SLC24A2: variants seen among roughly 807,000 people sequenced by gnomAD.
SLC24A2 encodes sodium/potassium/calcium exchanger 2.
A neutral mutation model predicts 62.0 loss-of-function variants in SLC24A2; 36 were observed. The observed-to-expected ratio is 0.58, with a 90% CI of 0.44 to 0.77. The LOEUF (loss-of-function observed/expected upper bound fraction) is 0.77, where lower values mean the gene tolerates loss of function less well. Ranked by LOEUF, SLC24A2 falls within the 30% of genes least tolerant of loss-of-function variation. SLC24A2 has a pLI of 0.00. For synonymous variants in SLC24A2, 358 were observed against 294.0 expected (o/e 1.22, Z -2.23); for missense variants, 846 against 817.9 (o/e 1.03, Z -0.42).
the SLC24A2 span, among the ~76,000 whole-genome samples, chr9:19,960,271 G>A: frequency 1.3e-5 from 2 of 152,144 alleles, no homozygotes; most frequent in Non-Finnish European, 2.9e-5. Context: ...CTGCCACTAT[G>A]TGTGACGCAT....
chr9:20,040,013 C>G, the SLC24A2 span, among the ~76,000 whole-genome samples: 1 of 152,274 alleles, frequency 6.6e-6, no homozygotes, highest in African/African-American at 2.4e-5. Flanking sequence ...AGTAACTAAA[C>G]ACTAACTTTT....
the SLC24A2 span, among the ~76,000 whole-genome samples, chr9:19,829,866 A>G: frequency 2.0e-5 from 3 of 147,684 alleles, no homozygotes; most frequent in Non-Finnish European, 4.5e-5. Flanking sequence ...TTAAACTTCA[A>G]TTCTTCTGGT....
the SLC24A2 span, among the ~76,000 whole-genome samples, chr9:20,078,587 C>G: frequency 6.6e-6 from 1 of 152,176 alleles, no homozygotes; most frequent in South Asian, 2.1e-4. Context: ...CCCACCCAGG[C>G]AGGCCATGAC....
the SLC24A2 span, among the ~76,000 whole-genome samples, chr9:20,106,466 C>T: frequency 2.6e-5 from 4 of 152,074 alleles, no homozygotes; most frequent in African/African-American, 4.8e-5. Context: ...ACTGGCAAAC[C>T]GAATCCAGCA....
chr9:19,550,216 G>A lies in SLC24A2; in HGVS notation c.1400C>T (p.Thr467Ile), dbSNP rs368095545. 3 of 1,614,118 alleles carry A rather than the reference G, an allele frequency of 1.9e-6. No individual in the cohort carries two copies. The highest frequency in any genetic ancestry group is 2.7e-5 in the African/African-American group (2 of 75,054). ...QPLSLAWPSE[T>I]RKQVTFLIVF... ...AATCAGAAACGTGACTTGCTTGCGG[G>A]TTTCAGAAGGCCAGGCAAGGCTGAG... Residue 467 changes from threonine to isoleucine, a missense_variant, in exon 8 of 11, where the codon ACC (threonine) becomes ATC (isoleucine). Coordinates refer to ENST00000341998, the MANE Select transcript of SLC24A2 (RefSeq NM_020344.4).
the SLC24A2 span, among the ~76,000 whole-genome samples, chr9:19,901,355 T>A: frequency 0.074 from 11,197 of 152,182 alleles, 534 homozygotes; most frequent in East Asian, 0.18. Flanking sequence ...ACTAAAAAAA[T>A]CATGAGATCT....
At chr9:19,800,703 A>T in the SLC24A2 span, among the ~76,000 whole-genome samples, 1 of 152,186 alleles carries the variant, frequency 6.6e-6, no homozygotes, top group Non-Finnish European at 1.5e-5. Flanking sequence ...TCACATATGA[A>T]TCATAATTTA....
At chr9:19,940,331 T>C in the SLC24A2 span, among the ~76,000 whole-genome samples, 2 of 152,202 alleles carry the variant, frequency 1.3e-5, no homozygotes, top group African/African-American at 4.8e-5. Context: ...TTGTACAGAA[T>C]AGTCAGGGGG....
the SLC24A2 span, among the ~76,000 whole-genome samples, chr9:19,858,616 T>C: frequency 6.6e-6 from 1 of 152,120 alleles, no homozygotes; most frequent in African/African-American, 2.4e-5. Context: ...AGGTCTAATA[T>C]CTAGAAGATT....
intron 2 of SLC24A2, among the ~76,000 whole-genome samples, chr9:19,772,263 T>C (rs1822712154): frequency 6.6e-6 from 1 of 152,142 alleles, no homozygotes; most frequent in African/African-American, 2.4e-5. Context: ...AATTCTTAGC[T>C]TCAGGGGAAC....
At chr9:20,230,712 T>C in the SLC24A2 span, among the ~76,000 whole-genome samples, 1 of 152,218 alleles carries the variant, frequency 6.6e-6, no homozygotes. Flanking sequence ...TAGTTTCTTT[T>C]GCTGTGCAGA....
At chr9:20,105,181 C>A in the SLC24A2 span, among the ~76,000 whole-genome samples, 384 of 152,254 alleles carry the variant, frequency 2.5e-3, 4 homozygotes, top group African/African-American at 8.6e-3. Flanking sequence ...AATACAGGAG[C>A]ACCCAGATTC....
At chr9:19,904,832 T>A in the SLC24A2 span, among the ~76,000 whole-genome samples, 3 of 152,178 alleles carry the variant, frequency 2.0e-5, no homozygotes, top group East Asian at 5.8e-4. Context: ...ACTTTTTTGC[T>A]TTTTTCTGCC....
At chr9:20,038,910 T>C in the SLC24A2 span, among the ~76,000 whole-genome samples, 3 of 151,984 alleles carry the variant, frequency 2.0e-5, no homozygotes, top group Admixed American at 1.3e-4. Context: ...ATTTATTTTT[T>C]AAGTTTCGTA....
chr9:20,082,673 A>T, the SLC24A2 span, among the ~76,000 whole-genome samples: 2 of 152,222 alleles, frequency 1.3e-5, no homozygotes, highest in African/African-American at 2.4e-5. Flanking sequence ...ATTTTGCTGT[A>T]ATCTGGAAAG....
chr9:20,127,439 A>C, the SLC24A2 span, among the ~76,000 whole-genome samples: 1 of 152,272 alleles, frequency 6.6e-6, no homozygotes, highest in Admixed American at 6.5e-5. Context: ...ACTTCAGAAA[A>C]ACTTCTAAGC....
chr9:19,678,366 G>A (rs1819618567), intron 2 of SLC24A2, among the ~76,000 whole-genome samples: 1 of 152,162 alleles, frequency 6.6e-6, no homozygotes, highest in Admixed American at 6.5e-5. Flanking sequence ...GCAGGAAGTT[G>A]CATCTCACTG....
the SLC24A2 span, among the ~76,000 whole-genome samples, chr9:19,856,939 A>G: frequency 1.3e-5 from 2 of 152,246 alleles, no homozygotes; most frequent in African/African-American, 4.8e-5. Flanking sequence ...ACTGAGCCAC[A>G]GAGACCACCA....
chr9:19,965,022 G>T, the SLC24A2 span, among the ~76,000 whole-genome samples: 1 of 152,036 alleles, frequency 6.6e-6, no homozygotes, highest in Non-Finnish European at 1.5e-5. Context: ...ACAGCCTTAT[G>T]GAGACTGCGT....
Sources: allele counts gnomAD v4.1 joint callset (sites outside exome capture counted in the v4.1 genomes callset), GRCh38; gene constraint gnomAD v4.1.1; transcripts MANE v1.5; gene names NCBI Gene and HGNC (gene_info 2026-07-23, HGNC 2026-07-21).